PRMT8: variants seen among roughly 807,000 people sequenced by gnomAD.
The protein encoded by PRMT8 is protein arginine N-methyltransferase 8.
Under a neutral mutation model 47.1 loss-of-function variants are expected in PRMT8, and 7 were observed. That is an observed-to-expected ratio of 0.15 (90% CI 0.08 to 0.28). The LOEUF (loss-of-function observed/expected upper bound fraction) is 0.28. Ranked by LOEUF, PRMT8 falls within the 10% of genes least tolerant of loss-of-function variation. PRMT8 has a pLI of 1.00. For missense variants in PRMT8, 237 were observed against 505.4 expected, an observed-to-expected ratio of 0.47 and a Z score of 5.09; for synonymous variants, 188 against 186.5, an observed-to-expected ratio of 1.01 and a Z score of -0.07.
chr12:3,506,794 A>G (rs962377065), intron 1 of PRMT8, among the ~76,000 whole-genome samples: 2 of 152,096 alleles, frequency 1.3e-5, no homozygotes, highest in Admixed American at 6.5e-5. Flanking sequence ...GCCTTGCTCA[A>G]TTCCTACATG....
In PRMT8 at chr12:3,569,869, C is replaced by T. The variant is rs1866814188; in HGVS notation, c.712+305C>T. On this transcript the variant is annotated intron_variant, in intron 6 of 9. Transcript: ENST00000382622. The surrounding 1 kb of genome is among the most constrained non-coding windows in gnomAD (Gnocchi z 8.2). ...GCAGAAGCTGAGTTTTTGCAGAGATCAGCAGGGCAAGTGGCTTGAAACCTG... is the reference window on the plus strand; with the variant it reads ...GCAGAAGCTGAGTTTTTGCAGAGATTAGCAGGGCAAGTGGCTTGAAACCTG... Among the ~76,000 whole-genome samples the T allele has an allele frequency of 6.6e-6, 1 of 152,184 alleles. No individual in the cohort carries two copies. The highest frequency in any genetic ancestry group is 1.5e-5 in the Non-Finnish European group (1 of 68,026).
intron 1 of PRMT8, chr12:3,469,282 C>G: frequency 2.3e-6 from 1 of 434,988 alleles, no homozygotes; most frequent in Non-Finnish European, 4.5e-6. Flanking sequence ...ACGACCCCCA[C>G]CAAAGCCCAT....
At chr12:3,575,252 C>G (rs1866917167) in intron 6 of PRMT8, among the ~76,000 whole-genome samples, 1 of 152,232 alleles carries the variant, frequency 6.6e-6, no homozygotes, top group Non-Finnish European at 1.5e-5. Context: ...TTCACACCTC[C>G]TGCCGCACAC....
Position 3,456,901 on chromosome 12 carries a change from T to C in PRMT8, c.48+75459T>C, listed in dbSNP as rs1340849900. Among the ~76,000 whole-genome samples the C allele has an allele frequency of 6.6e-6, 1 of 152,146 alleles. No individual in the cohort carries two copies. The highest frequency in any genetic ancestry group is 1.5e-5 in the Non-Finnish European group (1 of 68,038). ...GCTTTAAACACAGAGGACAGGTGCG[T>C]CTTTTCTTGCTGTGGCTGACGTCCT... On this transcript the variant is annotated intron_variant, in intron 1 of 9. Transcript: ENST00000452611. The surrounding 1 kb of genome is among the most constrained non-coding windows in gnomAD (Gnocchi z 4.2).
intron 1 of PRMT8, among the ~76,000 whole-genome samples, chr12:3,484,876 G>A (rs761954787): frequency 3.9e-5 from 6 of 152,190 alleles, no homozygotes; most frequent in Non-Finnish European, 7.3e-5. Context: ...TGGTTTAAAA[G>A]GGAGTCAAAC....
chr12:3,397,542 C>T (rs1291220857), intron 1 of PRMT8, among the ~76,000 whole-genome samples: 10 of 151,422 alleles, frequency 6.6e-5, no homozygotes, highest in Non-Finnish European at 1.2e-4. Context: ...GGGTCAGGGA[C>T]CCACTTGAGG....
rs976902929 is a variant in PRMT8, at chr12:3,568,919, C to G, written c.624+71C>G. 14 of 1,590,648 alleles carry G rather than the reference C, an allele frequency of 8.8e-6. No individual in the cohort carries two copies. In the Admixed American group the frequency reaches 1.0e-4, roughly 12 times the overall value. On this transcript the variant is annotated intron_variant, in intron 5 of 9. Coordinates refer to ENST00000382622, the MANE Select transcript of PRMT8 (RefSeq NM_019854.5). ...TGCTCCTCTACCCAAGGCCTGCAGC[C>G]TAGGAGGCATACGAAGACTTCAGAG...
chr12:3,521,583 C>T (rs1591582630), intron 1 of PRMT8, among the ~76,000 whole-genome samples: 1 of 151,970 alleles, frequency 6.6e-6, no homozygotes, highest in Non-Finnish European at 1.5e-5. Flanking sequence ...TCAAAAAAAA[C>T]AAAAACAAGA....
chr12:3,540,811 T>C lies in PRMT8; in HGVS notation c.261+20T>C, dbSNP rs1287337789. On this transcript the variant is annotated intron_variant, in intron 2 of 9. Transcript: ENST00000382622. ...CACGAGGTAAAGTGTCCCGAGTGGGTGGCTAATGGGGCGAGGCTGACTCTG... is the reference window on the plus strand; with the variant it reads ...CACGAGGTAAAGTGTCCCGAGTGGGCGGCTAATGGGGCGAGGCTGACTCTG... The C allele has an allele frequency of 6.2e-7, 1 of 1,609,512 alleles. No homozygotes were observed. Among genetic ancestry groups the C allele is most frequent in the Non-Finnish European group, 8.5e-7 (1 of 1,177,294 alleles).
chr12:3,591,224 C>A (rs1365063424), intron 8 of PRMT8, among the ~76,000 whole-genome samples: 1 of 151,988 alleles, frequency 6.6e-6, no homozygotes, highest in African/African-American at 2.4e-5. Context: ...GGCGCAAGTA[C>A]CACTATGGCT....
chr12:3,394,974 T>C (rs1037097157), intron 1 of PRMT8, among the ~76,000 whole-genome samples: 5 of 152,084 alleles, frequency 3.3e-5, no homozygotes, highest in African/African-American at 1.2e-4. Context: ...ATCCACTTCT[T>C]CTAGATTTTC....
intron 1 of PRMT8, among the ~76,000 whole-genome samples, chr12:3,396,135 C>G (rs1340756174): frequency 6.6e-6 from 1 of 152,188 alleles, no homozygotes; most frequent in Non-Finnish European, 1.5e-5. Flanking sequence ...TTCCTGAGTA[C>G]AGCACACTGA....
intron 1 of PRMT8, among the ~76,000 whole-genome samples, chr12:3,517,365 A>G (rs932679090): frequency 3.9e-5 from 6 of 152,144 alleles, no homozygotes; most frequent in African/African-American, 1.4e-4. Flanking sequence ...GGGGAGACAC[A>G]TCCCACTTGA....
At chr12:3,513,803 G>A (rs1370259627) in intron 1 of PRMT8, among the ~76,000 whole-genome samples, 1 of 152,182 alleles carries the variant, frequency 6.6e-6, no homozygotes, top group Non-Finnish European at 1.5e-5. Context: ...ACCAGTCTTG[G>A]AAAAATGTTT....
intron 1 of PRMT8, among the ~76,000 whole-genome samples, chr12:3,432,435 A>G (rs1220047913): frequency 6.6e-6 from 1 of 152,230 alleles, no homozygotes; most frequent in Non-Finnish European, 1.5e-5. Flanking sequence ...ATAATGGTTC[A>G]GGGAATTCCA....
At chr12:3,461,189 A>G (rs1208125151) in intron 1 of PRMT8, among the ~76,000 whole-genome samples, 3 of 152,228 alleles carry the variant, frequency 2.0e-5, no homozygotes, top group African/African-American at 7.2e-5. Context: ...GTAGTAGCTC[A>G]GGTTCAGAGA....
At chr12:3,549,509 T>A (rs890196274) in intron 2 of PRMT8, among the ~76,000 whole-genome samples, 4 of 145,754 alleles carry the variant, frequency 2.7e-5, no homozygotes, top group African/African-American at 1.0e-4. Flanking sequence ...TTTTTTTTTT[T>A]TAAAAAAAAG....
chr12:3,534,556 C>T (rs1866086641), intron 1 of PRMT8, among the ~76,000 whole-genome samples: 1 of 152,232 alleles, frequency 6.6e-6, no homozygotes, highest in African/African-American at 2.4e-5. Context: ...TCCTTTCCTT[C>T]TGTGGGCCTC....
chr12:3,527,931 T>C (rs1465751520), intron 1 of PRMT8, among the ~76,000 whole-genome samples: 1 of 152,136 alleles, frequency 6.6e-6, no homozygotes, highest in Non-Finnish European at 1.5e-5. Flanking sequence ...AAGTTGACAG[T>C]TTTTTCTTTT....
Sources: allele counts gnomAD v4.1 joint callset (sites outside exome capture counted in the v4.1 genomes callset), GRCh38; gene constraint gnomAD v4.1.1; non-coding constraint Gnocchi (gnomAD v3.1); transcripts MANE v1.5; gene names NCBI Gene and HGNC (gene_info 2026-07-23, HGNC 2026-07-21).